The following DENND1A variants were observed in gnomAD, a reference collection of about 807,000 sequenced individuals.
DENND1A encodes DENN domain-containing protein 1A.
DENND1A carries 51 observed loss-of-function variants against 113.7 expected under a neutral mutation model. The observed-to-expected ratio is 0.45, with a 90% CI of 0.36 to 0.57. The LOEUF is 0.57. DENND1A is among the 20% of genes least tolerant of loss of function. The probability of loss-of-function intolerance (pLI) is 0.00; values close to 1 mark genes in which losing one functional copy is unlikely to be tolerated. For synonymous variants in DENND1A, 565 were observed against 570.8 expected (o/e 0.99, Z 0.14); for missense variants, 1,258 against 1,395.9 (o/e 0.90, Z 1.57).
At chr9:123,627,275 G>A (rs536087984) in intron 10 of DENND1A, among the ~76,000 whole-genome samples, 1 of 152,368 alleles carries the variant, frequency 6.6e-6, no homozygotes, top group East Asian at 1.9e-4. Context: ...GCAACAGCCT[G>A]CAGGGAACTG....
intron 13 of DENND1A, among the ~76,000 whole-genome samples, chr9:123,462,211 T>C (rs1405271231): frequency 1.3e-5 from 2 of 152,250 alleles, no homozygotes; most frequent in African/African-American, 4.8e-5. Flanking sequence ...GCAATAATCA[T>C]AGTTTAACTC....
At chr9:123,877,496 A>G (rs1430325323) in intron 2 of DENND1A, among the ~76,000 whole-genome samples, 2 of 151,288 alleles carry the variant, frequency 1.3e-5, no homozygotes, top group Non-Finnish European at 2.9e-5. Flanking sequence ...CTCAAAAATA[A>G]TAATAATAAA....
intron 20 of DENND1A, among the ~76,000 whole-genome samples, chr9:123,406,394 G>T (rs2131378386): frequency 6.6e-6 from 1 of 152,350 alleles, no homozygotes; most frequent in Non-Finnish European, 1.5e-5. Context: ...TGCTCATCCT[G>T]CTCCTCTGTG....
intron 19 of DENND1A, among the ~76,000 whole-genome samples, chr9:123,426,538 A>G (rs1226618692): frequency 6.6e-6 from 1 of 152,178 alleles, no homozygotes. Context: ...GAGTAGAGTT[A>G]GAGGCAGAAT....
At chr9:123,784,513 G>A (rs1590070980) in intron 3 of DENND1A, among the ~76,000 whole-genome samples, 4 of 152,254 alleles carry the variant, frequency 2.6e-5, no homozygotes, top group Middle Eastern at 6.8e-3. Flanking sequence ...GATTCTATGA[G>A]GCTAAGAGAA....
chr9:123,550,596 G>C (rs1004151384), intron 13 of DENND1A, among the ~76,000 whole-genome samples: 2 of 152,306 alleles, frequency 1.3e-5, no homozygotes, highest in Admixed American at 6.5e-5. Context: ...AGCAGAAAAG[G>C]GGATGAATTG....
intron 5 of DENND1A, among the ~76,000 whole-genome samples, chr9:123,731,077 G>A (rs897571331): frequency 6.6e-6 from 1 of 152,074 alleles, no homozygotes; most frequent in Non-Finnish European, 1.5e-5. Context: ...TGGACACGGA[G>A]GGGAACATCA....
intron 11 of DENND1A, among the ~76,000 whole-genome samples, chr9:123,600,022 TCACACTG>T (rs2137341699): frequency 6.6e-6 from 1 of 152,272 alleles, no homozygotes; most frequent in Admixed American, 6.5e-5. Flanking sequence ...TCTTCAATCA[TCACACTG>T]CTGGTCTCTG....
intron 1 of DENND1A, chr9:123,928,621 C>T (rs574359422): frequency 1.0e-6 from 1 of 985,428 alleles, no homozygotes; most frequent in East Asian, 1.1e-4. Flanking sequence ...TAGTTTCATT[C>T]AGCAGATGTC....
chr9:123,846,612 T>C (rs933585892), intron 2 of DENND1A, among the ~76,000 whole-genome samples: 1 of 152,052 alleles, frequency 6.6e-6, no homozygotes, highest in African/African-American at 2.4e-5. Flanking sequence ...GGACAAATAA[T>C]ATATGATTCC....
chr9:123,836,620 T>C (rs541056752), intron 2 of DENND1A, among the ~76,000 whole-genome samples: 1 of 152,166 alleles, frequency 6.6e-6, no homozygotes, highest in Non-Finnish European at 1.5e-5. Flanking sequence ...ATATCTCATA[T>C]TAGAGAATTT....
intron 13 of DENND1A, among the ~76,000 whole-genome samples, chr9:123,487,398 G>C (rs1349553423): frequency 6.6e-6 from 1 of 152,190 alleles, no homozygotes; most frequent in East Asian, 1.9e-4. Flanking sequence ...CTGGTAACTA[G>C]AGCAGGGTCT....
intron 2 of DENND1A, among the ~76,000 whole-genome samples, chr9:123,827,509 G>A (rs775496220): frequency 2.6e-5 from 4 of 151,754 alleles, no homozygotes; most frequent in Non-Finnish European, 4.4e-5. Flanking sequence ...CAACCAGAGT[G>A]AGACCTTGTC....
At chr9:123,494,920 T>C (rs2134062448) in intron 13 of DENND1A, among the ~76,000 whole-genome samples, 1 of 152,108 alleles carries the variant, frequency 6.6e-6, no homozygotes, top group Non-Finnish European at 1.5e-5. Flanking sequence ...GCCTCCTGAG[T>C]AGCTGGAATT....
intron 5 of DENND1A, among the ~76,000 whole-genome samples, chr9:123,678,769 A>G (rs762315206): frequency 5.3e-5 from 8 of 152,256 alleles, no homozygotes; most frequent in Non-Finnish European, 1.2e-4. Flanking sequence ...ACTTATGTTA[A>G]TATGTTTCAA....
chr9:123,557,479 C>T, intron 13 of DENND1A, 91 bp downstream of exon 13: 1 of 1,545,982 alleles, frequency 6.5e-7, no homozygotes, highest in Non-Finnish European at 8.7e-7. Flanking sequence ...AATCTGGAAA[C>T]CAGAAGAATC....
chr9:123,755,745 TCTTC>T (rs377065293), intron 5 of DENND1A, among the ~76,000 whole-genome samples: 28 of 152,348 alleles, frequency 1.8e-4, no homozygotes, highest in East Asian at 1.7e-3. Flanking sequence ...ATATATTTTC[TCTTC>T]CTTATGATTT....
intron 5 of DENND1A, among the ~76,000 whole-genome samples, chr9:123,716,832 C>G (rs559895720): frequency 1.3e-5 from 2 of 152,124 alleles, no homozygotes; most frequent in Middle Eastern, 3.2e-3. Flanking sequence ...ACATGCTTGA[C>G]GGGGCAGAGG....
At chr9:123,908,848 G>A (rs1468779916) in intron 1 of DENND1A, among the ~76,000 whole-genome samples, 2 of 152,164 alleles carry the variant, frequency 1.3e-5, no homozygotes, top group African/African-American at 2.4e-5. Flanking sequence ...CCATTACTGG[G>A]TATATACCCA....
Sources: gnomAD v4.1 joint callset for allele counts (sites outside exome capture counted in the v4.1 genomes callset) on GRCh38, gnomAD v4.1.1 for gene constraint, MANE v1.5 for transcripts, NCBI Gene and HGNC (gene_info 2026-07-23, HGNC 2026-07-21) for gene names.